The following KCNJ12 variants were observed in gnomAD, a reference collection of about 807,000 sequenced individuals.
The protein encoded by KCNJ12 is potassium inwardly rectifying channel subfamily J member 12.
A neutral mutation model predicts 22.3 loss-of-function variants in KCNJ12; 2 were observed. The ratio of observed to expected loss-of-function variants is 0.09; its 90% CI spans 0.04 to 0.28. KCNJ12 has a LOEUF of 0.28. Ranked by LOEUF, KCNJ12 falls within the 10% of genes least tolerant of loss-of-function variation. KCNJ12 has a pLI of 1.00. For synonymous variants in KCNJ12, 117 were observed against 261.4 expected (o/e 0.45, Z 5.33); for missense variants, 155 against 633.3 (o/e 0.24, Z 8.11).
chr17:21,385,436 C>A (rs1158121990), intron 1 of KCNJ12, among the ~76,000 whole-genome samples: 5 of 152,242 alleles, frequency 3.3e-5, no homozygotes, highest in African/African-American at 1.2e-4. Context: ...CTCCTTGATC[C>A]CTATTCTGCT....
intron 1 of KCNJ12, among the ~76,000 whole-genome samples, chr17:21,406,447 A>C (rs1905942857): frequency 6.6e-6 from 1 of 152,424 alleles, no homozygotes; most frequent in South Asian, 2.1e-4. Context: ...CTGTGTCCCC[A>C]TCAGTTTTGA....
intron 1 of KCNJ12, among the ~76,000 whole-genome samples, chr17:21,385,742 T>C (rs1233746322): frequency 6.6e-6 from 1 of 152,212 alleles, no homozygotes; most frequent in Non-Finnish European, 1.5e-5. Flanking sequence ...CCACGGTAGA[T>C]GCCCTGACTC....
chr17:21,393,961 T>G lies in KCNJ12; in HGVS notation c.-178-14558T>G, dbSNP rs1905270732. Among the ~76,000 whole-genome samples, 5 of 152,316 alleles carry G rather than the reference T, an allele frequency of 3.3e-5. No homozygotes were observed. The South Asian group carries it at 1.0e-3, about 32-fold the overall frequency. On this transcript the variant is annotated intron_variant, in intron 1 of 2. Transcript: ENST00000583088. ...GCACTGCTGGTCTCTAGTGCTGGCC[T>G]CTTATGCCCCACCCATAGGACCCAG... is the stretch of plus-strand genomic sequence containing the variant.
Position 21,419,208 on chromosome 17 carries a change from C to T in KCNJ12, c.*2564C>T, listed in dbSNP as rs1555563395. 6.0e-6 allele frequency: 1 copy of T among 166,708 alleles called. No homozygotes were observed. The highest frequency in any genetic ancestry group is 1.9e-4 in the East Asian group (1 of 5,176). The allele number at this position is 166,708 out of a possible 1,614,324, so 10.3% of individuals were successfully genotyped here. ...GTGTGGAGGCGTGTGCCTGTGTGAG[C>T]CTGCATGCATACATGTGTGGTGCAC... On this transcript the variant is annotated 3_prime_UTR_variant, in exon 3 of 3. Coordinates refer to ENST00000583088, the MANE Select transcript of KCNJ12 (RefSeq NM_021012.5).
intron 1 of KCNJ12, among the ~76,000 whole-genome samples, chr17:21,402,522 G>A (rs1244956029): frequency 2.0e-5 from 3 of 152,430 alleles, no homozygotes; most frequent in East Asian, 3.8e-4. Flanking sequence ...ATGGGGCCTG[G>A]GGCAGAGCGA....
intron 1 of KCNJ12, among the ~76,000 whole-genome samples, chr17:21,378,173 G>C (rs1457121169): frequency 1.3e-5 from 2 of 152,328 alleles, no homozygotes; most frequent in African/African-American, 2.4e-5. Context: ...CTGGCCGCGC[G>C]GCTGGACCCC....
chr17:21,406,898 G>T (rs1156542675), intron 1 of KCNJ12, among the ~76,000 whole-genome samples: 2 of 152,292 alleles, frequency 1.3e-5, no homozygotes, highest in Admixed American at 6.5e-5. Flanking sequence ...GATCCTCAGA[G>T]CCCCTTCCCA....
At chr17:21,411,063 G>T (rs12946659) in intron 2 of KCNJ12, among the ~76,000 whole-genome samples, 2 of 152,302 alleles carry the variant, frequency 1.3e-5, no homozygotes, top group Non-Finnish European at 2.9e-5. Context: ...TGATGCAGGC[G>T]CCTGCACTCT....
chr17:21,377,906 C>T (rs1332317978), intron 1 of KCNJ12, among the ~76,000 whole-genome samples: 1 of 152,144 alleles, frequency 6.6e-6, no homozygotes, highest in Non-Finnish European at 1.5e-5. Context: ...TCTTAGAGTA[C>T]CGCGCTGCCT....
rs1367828242 is a variant in KCNJ12 at position 21,419,489 on chromosome 17, G to A, written c.*2845G>A. On this transcript the variant is annotated 3_prime_UTR_variant, in exon 3 of 3. Transcript: ENST00000583088. The stretch of plus-strand genomic sequence containing the variant: ...GCACGTCTGCTCCTGAGTGGAGCTT[G>A]TGTTCCAGGATGAGACATCTGGAGG... 1 of 167,160 alleles carries A rather than the reference G, an allele frequency of 6.0e-6. No homozygotes were observed. The highest frequency in any genetic ancestry group is 1.5e-5 in the Non-Finnish European group (1 of 68,180). The allele number at this position is 167,160 out of a possible 1,614,324, so 10.4% of individuals were successfully genotyped here.
At chr17:21,410,755 G>A (rs1352235067) in intron 2 of KCNJ12, among the ~76,000 whole-genome samples, 1 of 152,266 alleles carries the variant, frequency 6.6e-6, no homozygotes, top group African/African-American at 2.4e-5. Context: ...CACCCCTACA[G>A]CCCAGCCTGG....
At chr17:21,398,145 A>G (rs1567700187) in intron 1 of KCNJ12, among the ~76,000 whole-genome samples, 1 of 152,016 alleles carries the variant, frequency 6.6e-6, no homozygotes, top group Non-Finnish European at 1.5e-5. Flanking sequence ...ATATGTGTAC[A>G]AGAGCAGACA....
intron 1 of KCNJ12, among the ~76,000 whole-genome samples, chr17:21,388,233 C>T (rs1382340403): frequency 2.0e-5 from 3 of 152,208 alleles, no homozygotes; most frequent in Non-Finnish European, 4.4e-5. Context: ...CCTCTGTCAT[C>T]CTCCTGGGTC....
chr17:21,377,699 C>T (rs1904714794), intron 1 of KCNJ12, among the ~76,000 whole-genome samples: 1 of 152,134 alleles, frequency 6.6e-6, no homozygotes, highest in Non-Finnish European at 1.5e-5. Flanking sequence ...GGAGTTGAGG[C>T]CCAAGCGAGT....
At chr17:21,380,591 G>A (rs1003571811) in intron 1 of KCNJ12, among the ~76,000 whole-genome samples, 1 of 152,048 alleles carries the variant, frequency 6.6e-6, no homozygotes, top group Non-Finnish European at 1.5e-5. Flanking sequence ...GAGACTTGGA[G>A]CGTGCCTCTG....
At chr17:21,414,882 C>T (rs76824707) in intron 2 of KCNJ12, among the ~76,000 whole-genome samples, 2 of 152,304 alleles carry the variant, frequency 1.3e-5, no homozygotes, top group Non-Finnish European at 2.9e-5. Flanking sequence ...GGATAGGCAC[C>T]GACTCAGCTT....
intron 1 of KCNJ12, among the ~76,000 whole-genome samples, chr17:21,391,869 G>T (rs1905219774): frequency 6.6e-6 from 1 of 152,218 alleles, no homozygotes; most frequent in South Asian, 2.1e-4. Flanking sequence ...CTGCCACCAG[G>T]CCTACCTTGG....
chr17:21,382,853 G>A (rs1336178064), intron 1 of KCNJ12, among the ~76,000 whole-genome samples: 1 of 152,192 alleles, frequency 6.6e-6, no homozygotes, highest in African/African-American at 2.4e-5. Context: ...ATGAGGACTG[G>A]CAGCAGGGAT....
intron 1 of KCNJ12, among the ~76,000 whole-genome samples, chr17:21,404,628 C>T: frequency 6.6e-6 from 1 of 152,230 alleles, no homozygotes; most frequent in East Asian, 1.9e-4. Context: ...CCAGGTCTCC[C>T]CTGTTCCTAG....
Sources: allele counts gnomAD v4.1 joint callset (sites outside exome capture counted in the v4.1 genomes callset), GRCh38; gene constraint gnomAD v4.1.1; transcripts MANE v1.5; gene names NCBI Gene and HGNC (gene_info 2026-07-23, HGNC 2026-07-21).